The following SMARCAD1 variants were observed in gnomAD, a reference collection of about 807,000 sequenced individuals.
SMARCAD1 encodes the protein SNF2 related chromatin remodeling ATPase with DExD box 1, also known as SWI/SNF-related matrix-associated actin-dependent regulator of chromatin subfamily A containing DEAD/H box 1.
SMARCAD1 carries 25 observed loss-of-function variants against 127.1 expected under a neutral mutation model. That is an observed-to-expected ratio of 0.20 (90% CI 0.14 to 0.27). The LOEUF is 0.27. SMARCAD1 is among the 10% of genes least tolerant of loss of function. The pLI, the probability that SMARCAD1 is intolerant of heterozygous loss-of-function variation, is 1.00. For synonymous variants in SMARCAD1, 400 were observed against 396.9 expected (o/e 1.01, Z -0.09); for missense variants, 807 against 1,206.0 (o/e 0.67, Z 4.90).
At chr4:94,254,705 G>A (rs1170489667) in intron 9 of SMARCAD1, among the ~76,000 whole-genome samples, 3 of 152,088 alleles carry the variant, frequency 2.0e-5, no homozygotes, top group African/African-American at 7.2e-5. Flanking sequence ...AATATTTTAT[G>A]TAACAGTCTA....
chr4:94,226,167 TATC>T lies in SMARCAD1; in HGVS notation c.242_244del (p.Ser81del), dbSNP rs779866416. ...CCAGATAATGAAAGAAAAGCAAGTA[TATC>T]ATATTTCAAAAATCAAAGAGGAATA... On this transcript the variant is annotated inframe_deletion, in exon 3 of 24. Coordinates refer to ENST00000354268, the MANE Select transcript of SMARCAD1 (RefSeq NM_020159.5). 6.2e-7 allele frequency: 1 copy of T among 1,611,922 alleles called. No homozygotes were observed. Among genetic ancestry groups the T allele is most frequent in the Non-Finnish European group, 8.5e-7 (1 of 1,178,228 alleles).
chr4:94,255,579 G>C (rs1749946696), intron 9 of SMARCAD1, among the ~76,000 whole-genome samples: 1 of 151,688 alleles, frequency 6.6e-6, no homozygotes, highest in Admixed American at 6.6e-5. Flanking sequence ...TAAAATGTAA[G>C]TATAATATAC....
chr4:94,250,860 C>T (rs1416850092), intron 8 of SMARCAD1, 27 bp downstream of exon 8: 3 of 1,505,312 alleles, frequency 2.0e-6, no homozygotes, highest in African/African-American at 1.4e-5. Context: ...ATAGAAAATA[C>T]ATACTTCTCA....
chr4:94,281,406 A>G, intron 20 of SMARCAD1, 66 bp from the exon 21 acceptor site: 1 of 1,071,396 alleles, frequency 9.3e-7, no homozygotes, highest in Non-Finnish European at 1.5e-6. Context: ...AACTGTTTAA[A>G]CCTGTCAAGG....
chr4:94,248,475 T>C, intron 6 of SMARCAD1: 1 of 456,196 alleles, frequency 2.2e-6, no homozygotes, highest in Middle Eastern at 3.3e-4. Flanking sequence ...GTTCTTGGAA[T>C]TTCAGTGTGC....
intron 5 of SMARCAD1, among the ~76,000 whole-genome samples, chr4:94,239,370 A>G (rs1325164317): frequency 3.8e-4 from 1 of 2,612 alleles, no homozygotes; most frequent in Non-Finnish European, 5.0e-4. Context: ...CACAAATTGC[A>G]GTCTTAACAG....
chr4:94,253,049 A>T, intron 9 of SMARCAD1, 42 bp downstream of exon 9: 2 of 1,603,782 alleles, frequency 1.2e-6, no homozygotes, highest in Non-Finnish European at 1.7e-6. Flanking sequence ...GTGTGTGTGT[A>T]TTTAATTCAC....
intron 2 of SMARCAD1, among the ~76,000 whole-genome samples, chr4:94,211,718 CA>C (rs1325267607): frequency 2.6e-5 from 4 of 152,280 alleles, no homozygotes; most frequent in African/African-American, 9.6e-5. Context: ...TTGAATCTTT[CA>C]AGCAAGGTCC....
chr4:94,236,899 A>G (rs1746742919), intron 4 of SMARCAD1, 53 bp from the exon 5 acceptor site: 4 of 1,382,260 alleles, frequency 2.9e-6, no homozygotes, highest in Non-Finnish European at 4.1e-6. Flanking sequence ...TCAGTAACTG[A>G]AATAATTCTT....
chr4:94,275,677 C>T (rs944800539), intron 14 of SMARCAD1, among the ~76,000 whole-genome samples: 5 of 151,960 alleles, frequency 3.3e-5, no homozygotes, highest in African/African-American at 9.7e-5. Flanking sequence ...TTTAGCTTCA[C>T]GTTCTTTTTT....
chr4:94,259,455 T>TATAG (rs1160284424), intron 9 of SMARCAD1, among the ~76,000 whole-genome samples: 3 of 152,220 alleles, frequency 2.0e-5, no homozygotes, highest in Non-Finnish European at 1.5e-5. Context: ...ATCTAAATTC[T>TATAG]AAATCAGCAG....
intron 3 of SMARCAD1, among the ~76,000 whole-genome samples, chr4:94,231,202 G>A (rs1240751893): frequency 6.6e-6 from 1 of 152,144 alleles, no homozygotes; most frequent in Non-Finnish European, 1.5e-5. Flanking sequence ...TGTCCACAGT[G>A]CCCGGAAACC....
intron 2 of SMARCAD1, among the ~76,000 whole-genome samples, chr4:94,225,706 A>T (rs1744881618): frequency 6.6e-6 from 1 of 152,202 alleles, no homozygotes; most frequent in Non-Finnish European, 1.5e-5. Flanking sequence ...ATGCATATTA[A>T]CTTTGTGATT....
chr4:94,284,860 T>A (rs1754708588), intron 22 of SMARCAD1, 100 bp from the exon 23 acceptor site: 1 of 771,670 alleles, frequency 1.3e-6, no homozygotes, highest in Non-Finnish European at 2.2e-6. Flanking sequence ...ATGTTTGTCG[T>A]AATTTTCAAA....
chr4:94,268,259 T>A (rs539171772), intron 10 of SMARCAD1, among the ~76,000 whole-genome samples: 33 of 152,366 alleles, frequency 2.2e-4, no homozygotes, highest in African/African-American at 6.3e-4. Flanking sequence ...TGTAGTTTTT[T>A]AAATTTCCTC....
intron 21 of SMARCAD1, 47 bp downstream of exon 21, chr4:94,281,637 T>C: frequency 8.4e-7 from 1 of 1,194,806 alleles, no homozygotes; most frequent in Non-Finnish European, 1.2e-6. Flanking sequence ...CATTTATTAT[T>C]ATTGTTAGGA....
At chr4:94,253,471 G>A in intron 9 of SMARCAD1, 1 of 1,151,806 alleles carries the variant, frequency 8.7e-7, no homozygotes, top group Non-Finnish European at 1.1e-6. Flanking sequence ...AGTGTTTTAT[G>A]CTTCACCACA....
intron 2 of SMARCAD1, among the ~76,000 whole-genome samples, chr4:94,209,069 C>T (rs1741757044): frequency 6.6e-6 from 1 of 152,172 alleles, no homozygotes. Context: ...CCTGGATGTC[C>T]TCAGAATGCA....
rs1375664606 is a variant in SMARCAD1 at position 94,290,173 on chromosome 4, C to T, written c.*639C>T. 6.6e-6 allele frequency: 3 copies of T among 454,340 alleles called. No homozygotes were observed. The highest frequency in any genetic ancestry group is 8.8e-6 in the Non-Finnish European group (2 of 226,752). 28.1% of individuals were successfully genotyped at this position (454,340 alleles called of 1,614,324 possible). ...TTTGGCTAGGCACTAAGTTGTTTTC[C>T]AGTGAATAGTAACTAAAGAAGCCCC... On this transcript the variant is annotated 3_prime_UTR_variant, in exon 24 of 24. Coordinates refer to ENST00000354268, the MANE Select transcript of SMARCAD1 (RefSeq NM_020159.5).
Sources: allele counts gnomAD v4.1 joint callset (sites outside exome capture counted in the v4.1 genomes callset), GRCh38; gene constraint gnomAD v4.1.1; transcripts MANE v1.5; gene names NCBI Gene and HGNC (gene_info 2026-07-23, HGNC 2026-07-21).